The following RC3H1 variants were observed in gnomAD, a reference collection of about 807,000 sequenced individuals.
RC3H1 encodes ring finger and CCCH-type domains 1.
A neutral mutation model predicts 138.2 loss-of-function variants in RC3H1; 50 were observed. The observed-to-expected ratio is 0.36, with a 90% CI of 0.29 to 0.46. The LOEUF (loss-of-function observed/expected upper bound fraction) is 0.46, where lower values mean the gene tolerates loss of function less well. Among genes scored for constraint, RC3H1 ranks in the 20% least tolerant of loss-of-function variants. The pLI, the probability that RC3H1 is intolerant of heterozygous loss-of-function variation, is 1.00. For missense variants in RC3H1, 1,031 were observed against 1,388.1 expected (o/e 0.74, Z 4.09); for synonymous variants, 462 against 489.1 (o/e 0.94, Z 0.73).
At chr1:173,953,550 C>T (rs554818375) in intron 13 of RC3H1, among the ~76,000 whole-genome samples, 4 of 152,036 alleles carry the variant, frequency 2.6e-5, no homozygotes, top group Admixed American at 6.5e-5. Context: ...GGATTACTGG[C>T]GTGAGCTACC....
At position 173,975,752 on chromosome 1, in the gene RC3H1, G is replaced by C. The variant is rs12128862; in HGVS notation, c.1102+2736C>G. 4.9e-4 allele frequency among the ~76,000 whole-genome samples: 47 copies of C among 96,224 alleles called. 5 individuals carry two copies. Among genetic ancestry groups the C allele is most frequent in the Admixed American group, 1.5e-3 (17 of 11,590 alleles). 63.1% of individuals were successfully genotyped at this position (96,224 alleles called of 152,430 possible). A position where few individuals can be genotyped will look rare whatever the true frequency, so the allele number is the denominator to read the frequency against. On this transcript the variant is annotated intron_variant, in intron 7 of 19. Transcript: ENST00000367696. ...TCTCTACTAAAAATACAAAAAATTA[G>C]CCGGGCGTAGTGGCGGGCGCCTGTA...
intron 13 of RC3H1, 21 bp downstream of exon 13, chr1:173,961,056 G>A (rs775172556): frequency 3.5e-5 from 56 of 1,609,466 alleles, no homozygotes; most frequent in Middle Eastern, 3.3e-4. Context: ...GGATAAATGA[G>A]ACTAAAAATG....
chr1:173,992,271 A>G (rs1438022164), intron 2 of RC3H1, among the ~76,000 whole-genome samples: 1 of 152,126 alleles, frequency 6.6e-6, no homozygotes, highest in South Asian at 2.1e-4. Flanking sequence ...CAGCCTCCCA[A>G]GTAGCTGGGA....
At chr1:173,946,718 T>C in intron 16 of RC3H1, 28 bp downstream of exon 16, 1 of 1,601,324 alleles carries the variant, frequency 6.2e-7, no homozygotes. Flanking sequence ...TTCTACATGT[T>C]TGTTCAAGTA....
At chr1:173,952,263 A>T in intron 13 of RC3H1, 125 bp from the exon 14 acceptor site, 1 of 519,026 alleles carries the variant, frequency 1.9e-6, no homozygotes, top group Admixed American at 4.3e-5. Context: ...CTGAAGCAAC[A>T]TAATGATGAT....
intron 1 of RC3H1, among the ~76,000 whole-genome samples, chr1:174,005,443 A>G (rs1468847601): frequency 6.6e-6 from 1 of 152,240 alleles, no homozygotes; most frequent in Non-Finnish European, 1.5e-5. Context: ...TAATTAAGAT[A>G]GTTTTACATA....
chr1:174,007,754 G>A (rs183150927), intron 1 of RC3H1, among the ~76,000 whole-genome samples: 30 of 152,196 alleles, frequency 2.0e-4, no homozygotes, highest in Admixed American at 1.4e-3. Flanking sequence ...CACCGCGTCC[G>A]GCCCACACAA....
At chr1:173,955,269 A>G (rs990403405) in intron 13 of RC3H1, among the ~76,000 whole-genome samples, 1 of 148,026 alleles carries the variant, frequency 6.8e-6, no homozygotes, top group Non-Finnish European at 1.5e-5. Context: ...TTCATACAAC[A>G]ACAACAACAA....
Position 173,993,090 on chromosome 1 carries a change from T to TG in RC3H1, c.-106_-105insC. On this transcript the variant is annotated 5_prime_UTR_variant, in exon 2 of 20. Transcript: ENST00000367696. ...AAAAAAAGTTTATCTTTTTTTTTTTTAAATATCTTCTGTAGATACAGTCAG... is the reference window on the plus strand; with the variant it reads ...AAAAAAAGTTTATCTTTTTTTTTTTTGAAATATCTTCTGTAGATACAGTCAG... The TG allele has an allele frequency of 1.3e-6, 1 of 789,914 alleles. No homozygotes were observed. The highest frequency in any genetic ancestry group is 2.0e-6 in the Non-Finnish European group (1 of 491,468). 48.9% of individuals were successfully genotyped at this position (789,914 alleles called of 1,614,324 possible).
In RC3H1 at chr1:173,936,754, TATATATA is replaced by T. The variant is rs370830637; in HGVS notation, c.*1960_*1966del. The stretch of plus-strand genomic sequence containing the variant: ...ACATATATATATATATATATATATA[TATATATA>T]TTTTTTTTTTTTTTTTTAAAAAAAG... On this transcript the variant is annotated 3_prime_UTR_variant, in exon 20 of 20. Transcript: ENST00000367696. 7.5e-4 allele frequency: 27 copies of T among 35,858 alleles called. No homozygotes were observed. In the East Asian group the frequency reaches 0.016, roughly 21 times the overall value. The allele number at this position is 35,858 out of a possible 1,614,324, so 2.2% of individuals were successfully genotyped here. A position where few individuals can be genotyped will look rare whatever the true frequency, so the allele number is the denominator to read the frequency against.
chr1:173,992,669 AACACACACAC>A (rs34709821), intron 2 of RC3H1, 76 bp downstream of exon 2: 84 of 657,848 alleles, frequency 1.3e-4, no homozygotes, highest in African/African-American at 6.7e-4. Flanking sequence ...AAACACGCAC[AACACACACAC>A]ACACACACAC....
At chr1:174,014,522 G>A (rs552622152) in intron 1 of RC3H1, among the ~76,000 whole-genome samples, 5 of 152,192 alleles carry the variant, frequency 3.3e-5, no homozygotes, top group African/African-American at 9.6e-5. Flanking sequence ...ACTCCCAAAA[G>A]TACACATACA....
chr1:173,991,500 T>C (rs72711435), intron 2 of RC3H1, among the ~76,000 whole-genome samples: 7,873 of 152,328 alleles, frequency 0.052, 304 homozygotes, highest in Non-Finnish European at 0.075. Flanking sequence ...AGGTCCTGTA[T>C]GATGTTGAAC....
intron 13 of RC3H1, among the ~76,000 whole-genome samples, chr1:173,959,086 C>CTGA (rs1659761836): frequency 6.6e-6 from 1 of 152,062 alleles, no homozygotes. Context: ...TATGTGTTAT[C>CTGA]ATCACTTCTA....
intron 1 of RC3H1, among the ~76,000 whole-genome samples, chr1:174,018,771 T>C (rs1661908750): frequency 6.6e-6 from 1 of 152,136 alleles, no homozygotes; most frequent in Non-Finnish European, 1.5e-5. Flanking sequence ...CTAAACCAGG[T>C]CAGAATACCC....
chr1:174,022,007 C>A lies in RC3H1; in HGVS notation c.-151+89G>T. 2.6e-6 allele frequency: 1 copy of A among 386,546 alleles called. No homozygotes were observed. The highest frequency in any genetic ancestry group is 1.3e-4 in the South Asian group (1 of 7,578). 23.9% of individuals were successfully genotyped at this position (386,546 alleles called of 1,614,324 possible). A position where few individuals can be genotyped will look rare whatever the true frequency, so the allele number is the denominator to read the frequency against. ...GAGCAGAGGGCGGGCGAGGACAAAC[C>A]CTTCCCGACCACAGCTGCCTATTGT... On this transcript the variant is annotated intron_variant, in intron 1 of 19. Transcript: ENST00000367696. This position sits in a 1 kb window ranked among gnomAD's most constrained non-coding sequence, Gnocchi z 4.2.
intron 11 of RC3H1, among the ~76,000 whole-genome samples, chr1:173,963,607 C>T (rs1659971794): frequency 6.6e-6 from 1 of 152,098 alleles, no homozygotes. Flanking sequence ...TTAATTTACA[C>T]ACACTATAAT....
intron 1 of RC3H1, among the ~76,000 whole-genome samples, chr1:173,999,644 T>C (rs946269713): frequency 2.6e-5 from 4 of 152,246 alleles, no homozygotes; most frequent in Non-Finnish European, 5.9e-5. Flanking sequence ...TGGAAAGACG[T>C]AGAACAGCTT....
chr1:173,984,553 T>G lies in RC3H1; in HGVS notation c.298A>C (p.Lys100Gln), dbSNP rs1026663290. 1.2e-6 allele frequency: 2 copies of G among 1,613,964 alleles called. No homozygotes were observed. The highest frequency in any genetic ancestry group is 1.3e-5 in the African/African-American group (1 of 74,940). Residue 100 changes from lysine to glutamine, a missense_variant, in exon 3 of 20, where the codon AAG becomes CAG. Physicochemically the swap from Lys to Gln is moderately conservative, Grantham distance 53. Around this residue, in one of 7 missense-constraint regions of RC3H1, gnomAD observed 80 missense variants for 81.1 expected, o/e 0.99. Coordinates refer to ENST00000367696, the MANE Select transcript of RC3H1 (RefSeq NM_172071.4). ...VEDTKHYEEA[K>Q]KCVEELALYL... The stretch of plus-strand genomic sequence containing the variant: ...AATGCTAATTCTTCTACACATTTCT[T>G]GGCTTCCTCATAATGCTTTGTGTCT...
Sources: allele counts gnomAD v4.1 joint callset (sites outside exome capture counted in the v4.1 genomes callset), GRCh38; gene constraint gnomAD v4.1.1; regional missense constraint gnomAD v4.1.1; non-coding constraint Gnocchi (gnomAD v3.1); transcripts MANE v1.5; gene names NCBI Gene and HGNC (gene_info 2026-07-23, HGNC 2026-07-21).